OTOGL: variants seen among roughly 807,000 people sequenced by gnomAD.
The protein encoded by OTOGL is otogelin like, also known as otogelin-like protein.
OTOGL carries 285 observed loss-of-function variants against 318.5 expected under a neutral mutation model. The observed-to-expected ratio is 0.89, with a 90% CI of 0.81 to 0.99. OTOGL has a LOEUF of 0.99. OTOGL is among the 50% of genes least tolerant of loss of function. The probability of loss-of-function intolerance (pLI) is 0.00; values close to 1 mark genes in which losing one functional copy is unlikely to be tolerated. For missense variants in OTOGL, 2,899 were observed against 2,845.6 expected, an observed-to-expected ratio of 1.02 and a Z score of -0.43; for synonymous variants, 987 against 936.5, an observed-to-expected ratio of 1.05 and a Z score of -0.99.
At chr12:80,246,305 T>C (rs1485360813) in intron 11 of OTOGL, among the ~76,000 whole-genome samples, 1 of 148,140 alleles carries the variant, frequency 6.8e-6, no homozygotes, top group Admixed American at 6.6e-5. Flanking sequence ...GGGTTTGTCA[T>C]AGATAGCTCT....
chr12:80,297,608 C>A (rs1885495157), intron 27 of OTOGL, among the ~76,000 whole-genome samples: 1 of 152,184 alleles, frequency 6.6e-6, no homozygotes, highest in Non-Finnish European at 1.5e-5. Context: ...GCTGGGATTA[C>A]AGGCATGAGC....
intron 9 of OTOGL, among the ~76,000 whole-genome samples, chr12:80,235,284 G>A (rs1378594168): frequency 2.0e-5 from 3 of 151,840 alleles, no homozygotes; most frequent in African/African-American, 7.3e-5. Context: ...AGCCAACATG[G>A]TGAAACCCTG....
At chr12:80,103,391 T>A in intron 1 of OTOGL, 1 of 829,462 alleles carries the variant, frequency 1.2e-6, no homozygotes, top group Non-Finnish European at 2.0e-6. Flanking sequence ...GGCTTCACAT[T>A]CCTTTTGACT....
chr12:80,339,204 A>G lies in OTOGL; in HGVS notation c.4990A>G (p.Ile1664Val). The change falls in exon 43 of 59, where the codon ATC (isoleucine) becomes GTC (valine). Residue 1664 changes from isoleucine (I) to valine (V), a missense_variant. Ile to Val is a conservative substitution (Grantham distance 29). Around this residue, in one of 3 missense-constraint regions of OTOGL, gnomAD observed 2,607 missense variants for 2,524.9 expected, o/e 1.03. Transcript: ENST00000547103. ...CATAAAGTGGTCTCATCTTACAGGA[A>G]TCATAGACATTCATTTTGGCTTCCG... ...LIIKWSHLTGIIDIHFGFRFN... is the reference protein window; with the variant it reads ...LIIKWSHLTGVIDIHFGFRFN... 1 of 1,612,420 alleles carries G rather than the reference A, an allele frequency of 6.2e-7. No homozygotes were observed. The highest frequency in any genetic ancestry group is 8.5e-7 in the Non-Finnish European group (1 of 1,178,900).
chr12:80,148,952 A>C (rs1259309739), intron 1 of OTOGL, among the ~76,000 whole-genome samples: 22 of 152,172 alleles, frequency 1.4e-4, no homozygotes, highest in African/African-American at 5.1e-4. Context: ...GTTATACATT[A>C]TTCTAATTTT....
chr12:80,224,581 A>G (rs940086882), intron 7 of OTOGL, among the ~76,000 whole-genome samples: 2 of 152,020 alleles, frequency 1.3e-5, no homozygotes, highest in African/African-American at 2.4e-5. Context: ...TGTGTTGTCT[A>G]TGATTTCTTT....
At chr12:80,291,949 ATTTTCTTTTCTTTTTTTTCT>A (rs1229565322) in intron 26 of OTOGL, among the ~76,000 whole-genome samples, 1 of 151,730 alleles carries the variant, frequency 6.6e-6, no homozygotes, top group Admixed American at 6.6e-5. Flanking sequence ...AGAAAGAAAT[ATTTTCTTTTCTTTTTTTTCT>A]TTTTCTTTTC....
chr12:80,188,684 A>G (rs1470158078), intron 1 of OTOGL, among the ~76,000 whole-genome samples: 4 of 152,048 alleles, frequency 2.6e-5, no homozygotes, highest in African/African-American at 4.8e-5. Flanking sequence ...ACATAAACAC[A>G]GTTTCTTTTA....
intron 46 of OTOGL, 76 bp downstream of exon 46, chr12:80,353,586 T>G (rs945112282): frequency 8.5e-7 from 1 of 1,176,158 alleles, no homozygotes; most frequent in Non-Finnish European, 1.1e-6. Flanking sequence ...ATTGCAGAGA[T>G]GTGCTAACAA....
At chr12:80,260,389 G>C (rs1565937282) in intron 18 of OTOGL, among the ~76,000 whole-genome samples, 2 of 152,056 alleles carry the variant, frequency 1.3e-5, no homozygotes, top group African/African-American at 4.8e-5. Context: ...TCTCTTCTTT[G>C]TTTGTCACAA....
chr12:80,253,640 G>A, intron 14 of OTOGL, 66 bp downstream of exon 14: 1 of 1,289,318 alleles, frequency 7.8e-7, no homozygotes, highest in Non-Finnish European at 1.1e-6. Context: ...TACCATGACA[G>A]ATGTTTAAAG....
intron 1 of OTOGL, among the ~76,000 whole-genome samples, chr12:80,196,621 A>T (rs561348831): frequency 6.6e-6 from 1 of 152,044 alleles, no homozygotes; most frequent in Admixed American, 6.6e-5. Context: ...CCCCGGAGGC[A>T]TGTTGGTCTC....
chr12:80,235,194 G>T (rs548743304), intron 9 of OTOGL, among the ~76,000 whole-genome samples: 8 of 152,186 alleles, frequency 5.3e-5, no homozygotes, highest in African/African-American at 1.9e-4. Context: ...GCCAGGTGTG[G>T]TGGCTCACTT....
intron 44 of OTOGL, among the ~76,000 whole-genome samples, chr12:80,352,007 C>T (rs1346451511): frequency 1.3e-5 from 2 of 152,092 alleles, no homozygotes; most frequent in African/African-American, 4.8e-5. Flanking sequence ...GCAATTGTAG[C>T]CCACAGTGGA....
intron 1 of OTOGL, among the ~76,000 whole-genome samples, chr12:80,115,493 G>A (rs553481386): frequency 6.6e-6 from 1 of 152,122 alleles, no homozygotes; most frequent in African/African-American, 2.4e-5. Context: ...GAAGTGTCTG[G>A]GAAGTGTCTC....
chr12:80,112,001 A>T (rs932716539), intron 1 of OTOGL, among the ~76,000 whole-genome samples: 14 of 151,956 alleles, frequency 9.2e-5, no homozygotes, highest in Admixed American at 9.2e-4. Context: ...TTTATTCTCT[A>T]TGTAGCAATT....
chr12:80,112,358 C>A (rs540299206), intron 1 of OTOGL, among the ~76,000 whole-genome samples: 1 of 152,102 alleles, frequency 6.6e-6, no homozygotes, highest in African/African-American at 2.4e-5. Context: ...TTTGCCCATT[C>A]GGTATGGTAT....
At chr12:80,328,476 C>A (rs568977233) in intron 35 of OTOGL, among the ~76,000 whole-genome samples, 189 bp from the exon 36 acceptor site, 3 of 152,326 alleles carry the variant, frequency 2.0e-5, no homozygotes, top group Middle Eastern at 3.4e-3. Flanking sequence ...TAATCCTATT[C>A]TCTTATCATC....
intron 22 of OTOGL, among the ~76,000 whole-genome samples, chr12:80,268,035 C>T (rs1228244667): frequency 3.3e-5 from 5 of 151,856 alleles, no homozygotes; most frequent in Non-Finnish European, 7.4e-5. Context: ...TGTGCCTCCT[C>T]CCCAGGCCCA....
Sources: gnomAD v4.1 joint callset for allele counts (sites outside exome capture counted in the v4.1 genomes callset) on GRCh38, gnomAD v4.1.1 for gene constraint, gnomAD v4.1.1 regional missense constraint, MANE v1.5 for transcripts, NCBI Gene and HGNC (gene_info 2026-07-23, HGNC 2026-07-21) for gene names.